E4F1: variants seen among roughly 807,000 people sequenced by gnomAD.
E4F1 encodes transcription factor E4F1.
E4F1 carries 30 observed loss-of-function variants against 72.9 expected under a neutral mutation model. That is an observed-to-expected ratio of 0.41 (90% CI 0.31 to 0.56). The LOEUF is 0.56. Among genes scored for constraint, E4F1 ranks in the 20% least tolerant of loss-of-function variants. The pLI is 0.25. For synonymous variants in E4F1, 542 were observed against 478.2 expected, an observed-to-expected ratio of 1.13 and a Z score of -1.74; for missense variants, 1,091 against 1,117.5, an observed-to-expected ratio of 0.98 and a Z score of 0.34.
rs143442513 is a variant in E4F1 at position 2,232,197 on chromosome 16, G to A, written c.442G>A (p.Val148Met). Reference sequence around the variant, plus strand: ...TGGTGGGCACATCAAAGAGGTCATCGTGGCTGCTGAGGCGGAGCTGGGAGA... The same window carrying A: ...TGGTGGGCACATCAAAGAGGTCATCATGGCTGCTGAGGCGGAGCTGGGAGA... Reference protein sequence around the residue: ...VGGGHIKEVIVAAEAELGDGE... With the variant: ...VGGGHIKEVIMAAEAELGDGE... Residue 148 changes from valine to methionine, a missense_variant, in exon 4 of 14, where the codon GTG (valine) becomes ATG (methionine). Val to Met is a conservative substitution (Grantham distance 21). Coordinates refer to ENST00000301727, the MANE Select transcript of E4F1 (RefSeq NM_004424.5). The A allele has an allele frequency of 3.7e-6, 6 of 1,612,376 alleles. No homozygotes were observed. In the African/African-American group the frequency reaches 5.3e-5, roughly 14 times the overall value.
intron 1 of E4F1, among the ~76,000 whole-genome samples, chr16:2,226,811 CTT>C (rs2093435269): frequency 6.6e-6 from 1 of 152,224 alleles, no homozygotes; most frequent in South Asian, 2.1e-4. Context: ...GGGGTGGTCT[CTT>C]CTGCACGACC....
rs1468948822 is a variant in E4F1 at position 2,233,129 on chromosome 16, A to T, written c.1002A>T (p.Glu334Asp). ...VTDAKGTVIH[E>D]VHVQMQELSL... The stretch of plus-strand genomic sequence containing the variant: ...ATGCCAAGGGCACCGTCATCCACGA[A>T]GTCCACGTCCAGATGCAGGAGCTGT... Residue 334 changes from glutamate to aspartate, a missense_variant, in exon 7 of 14, where the codon GAA becomes GAT. Around this residue, in one of 5 missense-constraint regions of E4F1, gnomAD observed 101 missense variants for 97.4 expected, o/e 1.04. Transcript: ENST00000301727. 3 of 1,612,308 alleles carry T rather than the reference A, an allele frequency of 1.9e-6. No individual in the cohort carries two copies. Among genetic ancestry groups the T allele is most frequent in the African/African-American group, 2.7e-5 (2 of 74,932 alleles).
At position 2,233,958 on chromosome 16, in the gene E4F1, C is replaced by T; in HGVS notation, c.1343C>T (p.Ala448Val). 1 of 1,600,072 alleles carries T rather than the reference C, an allele frequency of 6.2e-7. No homozygotes were observed. Among genetic ancestry groups the T allele is most frequent in the Non-Finnish European group, 8.5e-7 (1 of 1,173,664 alleles). Reference protein sequence around the residue: ...PQCSETFPTAATLEAHKRGHT... With the variant: ...PQCSETFPTAVTLEAHKRGHT... ...TGCAGTGAGACCTTCCCGACAGCAG[C>T]CACCCTGGAGGCCCACAAGAGGGGC... Residue 448 changes from alanine to valine, a missense_variant, in exon 9 of 14, where the codon GCC becomes GTC. This residue lies in a region of E4F1 where 622 missense variants were observed against 628.0 expected (regional missense o/e 0.99). Coordinates refer to ENST00000301727, the MANE Select transcript of E4F1 (RefSeq NM_004424.5).
At position 2,233,000 on chromosome 16, in the gene E4F1, C is replaced by A. The variant is rs2093477940; in HGVS notation, c.884-11C>A. 1 of 1,608,626 alleles carries A rather than the reference C, an allele frequency of 6.2e-7. No individual in the cohort carries two copies. Among genetic ancestry groups the A allele is most frequent in the East Asian group, 2.2e-5 (1 of 44,716 alleles). On this transcript the variant is annotated splice_polypyrimidine_tract_variant and intron_variant, in intron 6 of 13. Transcript: ENST00000301727. ...TGTGAGGGATCTTCACTCCCTCACT[C>A]CACCTTGAAGGTTCTGGAGCTGGAG...
At position 2,229,656 on chromosome 16, in the gene E4F1, C is replaced by T. The variant is rs776074345; in HGVS notation, c.396C>T (p.Ser132=). Residue 132 remains serine (S), a synonymous_variant, in exon 3 of 14, where the codon AGC becomes AGT. Coordinates refer to ENST00000301727, the MANE Select transcript of E4F1 (RefSeq NM_004424.5). The part of the protein sequence containing the change: ...VEAASLAADI[S]HASDLVGGGH... Reference sequence around the variant, plus strand: ...CGGCCTCTCTGGCAGCAGACATCAGCCACGCATCTGACCTTGTTGGTAAGC... The same window carrying T: ...CGGCCTCTCTGGCAGCAGACATCAGTCACGCATCTGACCTTGTTGGTAAGC... 1.9e-6 allele frequency: 3 copies of T among 1,613,054 alleles called. No individual in the cohort carries two copies. The Admixed American group carries it at 5.0e-5, about 27-fold the overall frequency.
intron 1 of E4F1, among the ~76,000 whole-genome samples, chr16:2,224,502 C>G (rs2093419590): frequency 6.6e-6 from 1 of 152,128 alleles, no homozygotes; most frequent in Non-Finnish European, 1.5e-5. Context: ...TGAAAGTGAC[C>G]GGGTGGGCTG....
chr16:2,235,174 G>T, intron 13 of E4F1, 31 bp downstream of exon 13: 1 of 1,610,708 alleles, frequency 6.2e-7, no homozygotes, highest in Non-Finnish European at 8.5e-7. Flanking sequence ...GGGCGGGGAG[G>T]CTCCCTGGCA....
At chr16:2,225,763 T>G (rs915712977) in intron 1 of E4F1, among the ~76,000 whole-genome samples, 1 of 128,954 alleles carries the variant, frequency 7.8e-6, no homozygotes, top group Non-Finnish European at 1.6e-5. Context: ...TGCGCCACCG[T>G]GCCCGGCTCC....
At chr16:2,227,485 C>T (rs1420666632) in intron 1 of E4F1, among the ~76,000 whole-genome samples, 3 of 152,144 alleles carry the variant, frequency 2.0e-5, no homozygotes, top group Non-Finnish European at 4.4e-5. Flanking sequence ...CATTCTCCTG[C>T]CTCAGCCTCC....
At chr16:2,226,592 G>A (rs144301153) in intron 1 of E4F1, among the ~76,000 whole-genome samples, 7 of 152,370 alleles carry the variant, frequency 4.6e-5, no homozygotes, top group African/African-American at 1.7e-4. Flanking sequence ...AGGGACTGAA[G>A]GTGAATGGTC....
rs753924202 is a variant in E4F1, at chr16:2,233,019, G to A, written c.892G>A (p.Ala298Thr). 3.5e-5 allele frequency: 57 copies of A among 1,608,536 alleles called. No homozygotes were observed. In the South Asian group the frequency reaches 5.8e-4, roughly 16 times the overall value. Residue 298 changes from alanine (A) to threonine (T), a missense_variant, in exon 7 of 14, where the codon GCT (alanine) becomes ACT (threonine). Coordinates refer to ENST00000301727, the MANE Select transcript of E4F1 (RefSeq NM_004424.5). ...CTCACTCCACCTTGAAGGTTCTGGAGCTGGAGCTGCCGGCTTGGGGACAGC... is the reference window on the plus strand; with the variant it reads ...CTCACTCCACCTTGAAGGTTCTGGAACTGGAGCTGCCGGCTTGGGGACAGC... ...SKEDARAGSG[A>T]GAAGLGTATS...
Position 2,232,164 on chromosome 16 carries a change from C to G in E4F1, c.416-7C>G. 1 of 1,610,248 alleles carries G rather than the reference C, an allele frequency of 6.2e-7. No individual in the cohort carries two copies. The highest frequency in any genetic ancestry group is 8.5e-7 in the Non-Finnish European group (1 of 1,179,868). The stretch of plus-strand genomic sequence containing the variant: ...TCCTGGGGCTTAGGCCCAGATGCTT[C>G]TCCTAGGTGGTGGGCACATCAAAGA... On this transcript the variant is annotated splice_polypyrimidine_tract_variant and splice_region_variant and intron_variant, in intron 3 of 13. Coordinates refer to ENST00000301727, the MANE Select transcript of E4F1 (RefSeq NM_004424.5).
intron 1 of E4F1, among the ~76,000 whole-genome samples, chr16:2,224,105 C>T (rs895257388): frequency 2.6e-5 from 4 of 152,264 alleles, no homozygotes; most frequent in Admixed American, 2.0e-4. Flanking sequence ...CCCTCCCCTC[C>T]TCTGGGCCCC....
In E4F1 at chr16:2,234,157, G is replaced by A. The variant is rs1479663539; in HGVS notation, c.1376-14G>A. ...CGGGTGATGGGCTTGGCCTGATGCT[G>A]TGTGTGGCTGCAGGGCCGAGGCCGT... On this transcript the variant is annotated splice_polypyrimidine_tract_variant and intron_variant, in intron 9 of 13. Coordinates refer to ENST00000301727, the MANE Select transcript of E4F1 (RefSeq NM_004424.5). 3.1e-6 allele frequency: 5 copies of A among 1,610,274 alleles called. No individual in the cohort carries two copies. The Admixed American group carries it at 6.7e-5, about 21-fold the overall frequency.
chr16:2,230,775 A>G (rs190672620), intron 3 of E4F1: 6 of 148,604 alleles, frequency 4.0e-5, no homozygotes, highest in East Asian at 2.0e-4. Flanking sequence ...ACACTCATCA[A>G]TGCCACTCAG....
rs368693289 is a variant in E4F1 at position 2,234,251 on chromosome 16, G to A, written c.1456G>A (p.Val486Met). The change falls in exon 10 of 14, where the codon GTG (valine) becomes ATG (methionine). Residue 486 changes from valine to methionine, a missense_variant. By Grantham distance (21) the Val-to-Met change is conservative. Around this residue, in one of 5 missense-constraint regions of E4F1, gnomAD observed 622 missense variants for 628.0 expected, o/e 0.99. Transcript: ENST00000301727. ...YLLKKHQEVH[V>M]RERRFRCGDC... The stretch of plus-strand genomic sequence containing the variant: ...GCTCAAGAAGCACCAGGAGGTGCAC[G>A]TGCGTGAGCGCCGCTTCCGCTGTGG... 1.7e-5 allele frequency: 27 copies of A among 1,612,886 alleles called. No homozygotes were observed. Among genetic ancestry groups the A allele is most frequent in the Non-Finnish European group, 2.3e-5 (27 of 1,179,948 alleles).
chr16:2,228,468 C>G lies in E4F1; in HGVS notation c.254C>G (p.Ala85Gly), dbSNP rs562171322. Residue 85 changes from alanine to glycine, a missense_variant, in exon 2 of 14, where the codon GCC (alanine) becomes GGC (glycine). Transcript: ENST00000301727. ...QHKIQKACQR[A>G]PPEALPATPA... ...AAGATTCAGAAGGCCTGCCAGCGGG[C>G]CCCTCCGGAGGCCCTGCCTGCCACC... 6.2e-7 allele frequency: 1 copy of G among 1,613,164 alleles called. No homozygotes were observed. Among genetic ancestry groups the G allele is most frequent in the East Asian group, 2.2e-5 (1 of 44,884 alleles).
intron 2 of E4F1, among the ~76,000 whole-genome samples, chr16:2,228,900 C>A (rs2093448793): frequency 6.6e-6 from 1 of 152,216 alleles, no homozygotes; most frequent in Non-Finnish European, 1.5e-5. Context: ...AAGTGTGGCC[C>A]TGGGGGGTCC....
chr16:2,234,345 G>A lies in E4F1; in HGVS notation c.1550G>A (p.Arg517Gln), dbSNP rs1218449701. 8 of 1,612,852 alleles carry A rather than the reference G, an allele frequency of 5.0e-6. No individual in the cohort carries two copies. Among genetic ancestry groups the A allele is most frequent in the East Asian group, 2.2e-5 (1 of 44,894 alleles). The change falls in exon 10 of 14, where the codon CGG (arginine) becomes CAG (glutamine). Residue 517 changes from arginine to glutamine, a missense_variant. Around this residue, in one of 5 missense-constraint regions of E4F1, gnomAD observed 622 missense variants for 628.0 expected, o/e 0.99. Coordinates refer to ENST00000301727, the MANE Select transcript of E4F1 (RefSeq NM_004424.5). ...RGHRRVHSDERPYPCPKCGKR... is the reference protein window; with the variant it reads ...RGHRRVHSDEQPYPCPKCGKR... The stretch of plus-strand genomic sequence containing the variant: ...CACCGGCGCGTCCACTCAGACGAGC[G>A]GCCCTACCCTTGTCCCAAGTGTGGC...
Sources: allele counts gnomAD v4.1 joint callset (sites outside exome capture counted in the v4.1 genomes callset), GRCh38; gene constraint gnomAD v4.1.1; regional missense constraint gnomAD v4.1.1; transcripts MANE v1.5; gene names NCBI Gene and HGNC (gene_info 2026-07-23, HGNC 2026-07-21).